The following FBXO42 variants were observed in gnomAD, a reference collection of about 807,000 sequenced individuals.
FBXO42 encodes the protein F-box protein 42.
FBXO42 carries 12 observed loss-of-function variants against 71.7 expected under a neutral mutation model. The observed-to-expected ratio is 0.17, with a 90% confidence interval of 0.11 to 0.27. FBXO42 has a LOEUF of 0.27. FBXO42 is among the 10% of genes least tolerant of loss of function. The pLI, the probability that FBXO42 is intolerant of heterozygous loss-of-function variation, is 1.00. For missense variants in FBXO42, 707 were observed against 911.9 expected (o/e 0.78, Z 2.89); for synonymous variants, 325 against 327.5 (o/e 0.99, Z 0.08).
chr1:16,331,924 C>T (rs1025590470), intron 1 of FBXO42, among the ~76,000 whole-genome samples: 2 of 152,100 alleles, frequency 1.3e-5, no homozygotes, highest in South Asian at 4.2e-4. Flanking sequence ...GTGATACACG[C>T]CTGTAATCCC....
chr1:16,270,751 T>TGCACACAC (rs1553150254), intron 4 of FBXO42, among the ~76,000 whole-genome samples: 163 of 111,008 alleles, frequency 1.5e-3, no homozygotes, highest in African/African-American at 5.2e-3. Flanking sequence ...TACCATGAGA[T>TGCACACAC]ACACACACAC....
intron 1 of FBXO42, among the ~76,000 whole-genome samples, chr1:16,329,089 G>C (rs1209580618): frequency 2.7e-5 from 4 of 150,228 alleles, no homozygotes; most frequent in African/African-American, 9.8e-5. Context: ...CTTGAACCCA[G>C]GAGGCGGAGG....
intron 4 of FBXO42, among the ~76,000 whole-genome samples, chr1:16,287,317 T>G (rs2082032197): frequency 6.9e-6 from 1 of 144,506 alleles, no homozygotes; most frequent in African/African-American, 2.9e-5. Flanking sequence ...TCGCCTTCTC[T>G]CTGATTCTCC....
chr1:16,335,866 C>T (rs1304805107), intron 1 of FBXO42, among the ~76,000 whole-genome samples: 8 of 134,774 alleles, frequency 5.9e-5, no homozygotes, highest in African/African-American at 1.2e-4. Context: ...GACTCCATCG[C>T]GCCAAAAAAA....
chr1:16,253,170 T>C lies in FBXO42; in HGVS notation c.865-18A>G, dbSNP rs1046543363. 11 of 1,610,210 alleles carry C rather than the reference T, an allele frequency of 6.8e-6. No homozygotes were observed. In the Admixed American group the frequency reaches 1.2e-4, roughly 17 times the overall value. ...ATGACAATCTGAGGAGGGGAAGACA[T>C]TGAAAATAAACCTACAAAGACACAG... On this transcript the variant is annotated intron_variant, in intron 7 of 9. Transcript: ENST00000375592.
At chr1:16,326,032 G>GTGTGTGTC (rs770038031) in intron 1 of FBXO42, among the ~76,000 whole-genome samples, 7 of 150,306 alleles carry the variant, frequency 4.7e-5, no homozygotes, top group Non-Finnish European at 8.9e-5. Flanking sequence ...GTGTGTGTGT[G>GTGTGTGTC]TGTGTGTGTG....
At chr1:16,283,347 C>T (rs923320483) in intron 4 of FBXO42, among the ~76,000 whole-genome samples, 2 of 151,882 alleles carry the variant, frequency 1.3e-5, no homozygotes, top group African/African-American at 4.8e-5. Context: ...GAGGAAACTG[C>T]AAAGAAAAAG....
At position 16,249,248 on chromosome 1, in the gene FBXO42, T is replaced by G. The variant is rs903042082; in HGVS notation, c.*1422A>C. On this transcript the variant is annotated 3_prime_UTR_variant, in exon 10 of 10. Transcript: ENST00000375592. ...CCAGGCCATGGTTGAGACTAGTAAC[T>G]TTCTGTATCAAGCAAAGAAATGCTC... 2.0e-5 allele frequency: 3 copies of G among 152,362 alleles called. No individual in the cohort carries two copies. The highest frequency in any genetic ancestry group is 7.2e-5 in the African/African-American group (3 of 41,582). 9.4% of individuals were successfully genotyped at this position (152,362 alleles called of 1,614,324 possible). A position where few individuals can be genotyped will look rare whatever the true frequency, so the allele number is the denominator to read the frequency against.
chr1:16,314,384 G>A (rs972769964), intron 2 of FBXO42, among the ~76,000 whole-genome samples: 8 of 152,170 alleles, frequency 5.3e-5, no homozygotes, highest in Non-Finnish European at 1.2e-4. Flanking sequence ...CTTAATAAGA[G>A]CATGGACTTT....
chr1:16,329,071 G>T (rs1384244014), intron 1 of FBXO42, among the ~76,000 whole-genome samples: 1 of 150,346 alleles, frequency 6.7e-6, no homozygotes, highest in Non-Finnish European at 1.5e-5. Flanking sequence ...GCTGAGGCAC[G>T]AGAATTGCTT....
chr1:16,332,592 G>A (rs2082510468), intron 1 of FBXO42, among the ~76,000 whole-genome samples: 1 of 150,128 alleles, frequency 6.7e-6, no homozygotes, highest in Non-Finnish European at 1.5e-5. Flanking sequence ...CAGGGCTGGA[G>A]TGCAGTGGCA....
At chr1:16,334,471 C>T (rs1316242796) in intron 1 of FBXO42, among the ~76,000 whole-genome samples, 3 of 151,148 alleles carry the variant, frequency 2.0e-5, no homozygotes, top group East Asian at 3.9e-4. Context: ...GACTAATGAC[C>T]TGAGAACACC....
At chr1:16,296,770 C>T (rs2100535208) in intron 3 of FBXO42, among the ~76,000 whole-genome samples, 1 of 151,976 alleles carries the variant, frequency 6.6e-6, no homozygotes, top group South Asian at 2.1e-4. Flanking sequence ...GTTTAGCACA[C>T]CAATATTTTT....
intron 6 of FBXO42, among the ~76,000 whole-genome samples, chr1:16,255,229 T>C (rs1012191030): frequency 6.6e-6 from 1 of 152,150 alleles, no homozygotes; most frequent in Non-Finnish European, 1.5e-5. Flanking sequence ...ATAGAGCAAA[T>C]TTTTCAATTT....
chr1:16,278,740 T>C (rs2081930580), intron 4 of FBXO42, among the ~76,000 whole-genome samples: 1 of 152,184 alleles, frequency 6.6e-6, no homozygotes, highest in Non-Finnish European at 1.5e-5. Flanking sequence ...ACAGTAATAT[T>C]CTGGACAGTT....
At chr1:16,291,370 CTTT>C (rs974875709) in intron 4 of FBXO42, among the ~76,000 whole-genome samples, 4 of 145,636 alleles carry the variant, frequency 2.7e-5, no homozygotes, top group African/African-American at 1.0e-4. Context: ...TCTCATGGGA[CTTT>C]TTTTTTTTTA....
intron 4 of FBXO42, among the ~76,000 whole-genome samples, chr1:16,273,620 C>G (rs770783449): frequency 1.6e-4 from 24 of 151,408 alleles, no homozygotes; most frequent in Admixed American, 7.2e-4. Context: ...GTGGCTTATG[C>G]CTGTAATCGT....
intron 1 of FBXO42, among the ~76,000 whole-genome samples, chr1:16,341,138 T>C (rs1424679970): frequency 1.3e-5 from 2 of 152,202 alleles, no homozygotes; most frequent in African/African-American, 4.8e-5. Flanking sequence ...GCAGCGTATA[T>C]AGTAGGAAAA....
intron 1 of FBXO42, among the ~76,000 whole-genome samples, chr1:16,350,788 A>AGAAAGAAAGAAAGAAG (rs1237531960): frequency 1.3e-5 from 2 of 151,158 alleles, no homozygotes; most frequent in Non-Finnish European, 3.0e-5. Flanking sequence ...AAAGAAAGAA[A>AGAAAGAAAGAAAGAAG]GAAAGAAAAT....
Sources: gnomAD v4.1 joint callset for allele counts (sites outside exome capture counted in the v4.1 genomes callset) on GRCh38, gnomAD v4.1.1 for gene constraint, MANE v1.5 for transcripts, NCBI Gene and HGNC (gene_info 2026-07-23, HGNC 2026-07-21) for gene names.